ADGRE5: variants seen among roughly 807,000 people sequenced by gnomAD.
The protein encoded by ADGRE5 is CD97 molecule.
Under a neutral mutation model 100.3 loss-of-function variants are expected in ADGRE5, and 72 were observed. The ratio of observed to expected loss-of-function variants is 0.72; its 90% CI spans 0.59 to 0.87. The LOEUF is 0.87. Ranked by LOEUF, ADGRE5 falls within the 40% of genes least tolerant of loss-of-function variation. ADGRE5 has a pLI of 0.00. For missense variants in ADGRE5, 959 were observed against 1,094.7 expected, an observed-to-expected ratio of 0.88 and a Z score of 1.75; for synonymous variants, 439 against 447.8, an observed-to-expected ratio of 0.98 and a Z score of 0.25.
At chr19:14,407,638 CAA>C (rs566106681) in intron 18 of ADGRE5, among the ~76,000 whole-genome samples, 39 of 84,564 alleles carry the variant, frequency 4.6e-4, no homozygotes, top group Admixed American at 4.6e-4. Flanking sequence ...GACTTGTCTC[CAA>C]AAAAAAAAAA....
intron 1 of ADGRE5, among the ~76,000 whole-genome samples, chr19:14,386,804 G>A (rs955478925): frequency 7.3e-5 from 11 of 151,298 alleles, no homozygotes; most frequent in East Asian, 1.9e-4. Flanking sequence ...ACTTGAGGCC[G>A]GGAGTTCAAG....
Position 14,382,326 on chromosome 19 carries a change from A to C in ADGRE5, c.22+781A>C, listed in dbSNP as rs141106904. ...CCGCCTTGGCTTGAGAGTGAGAGAC[A>C]AGAGCCCACCTTGGGTTTCTTGGGG... On this transcript the variant is annotated intron_variant, in intron 1 of 19. Transcript: ENST00000242786. Among the ~76,000 whole-genome samples the C allele has an allele frequency of 5.3e-5, 8 of 152,288 alleles. No individual in the cohort carries two copies. The East Asian group carries it at 1.4e-3, about 26-fold the overall frequency.
chr19:14,389,349 A>T (rs1599614306), intron 3 of ADGRE5, among the ~76,000 whole-genome samples: 1 of 26,140 alleles, frequency 3.8e-5, no homozygotes, highest in East Asian at 1.5e-3. Context: ...GGGGAGGGGA[A>T]GGGGAGGGGG....
chr19:14,384,755 G>T (rs1302490469), intron 1 of ADGRE5, among the ~76,000 whole-genome samples: 1 of 150,404 alleles, frequency 6.6e-6, no homozygotes, highest in East Asian at 2.0e-4. Flanking sequence ...CTCTTTATGG[G>T]CCCCTTGTTT....
chr19:14,404,769 A>T (rs8105798), intron 13 of ADGRE5: 98 of 536,122 alleles, frequency 1.8e-4, no homozygotes, highest in African/African-American at 1.8e-3. Flanking sequence ...GGGTGCAGCC[A>T]CTAGCTCCGC....
intron 9 of ADGRE5, among the ~76,000 whole-genome samples, chr19:14,400,654 T>C (rs902417051): frequency 8.6e-5 from 13 of 151,904 alleles, no homozygotes; most frequent in African/African-American, 2.9e-4. Context: ...TAGCCGGGCA[T>C]GGTGGCGGGC....
Position 14,401,458 on chromosome 19 carries a change from C to G in ADGRE5, c.970C>G (p.His324Asp). The G allele has an allele frequency of 6.2e-7, 1 of 1,614,132 alleles. No individual in the cohort carries two copies. Among genetic ancestry groups the G allele is most frequent in the Non-Finnish European group, 8.5e-7 (1 of 1,180,004 alleles). Reference sequence around the variant, plus strand: ...AGAGGCCCTGGCGCCACCTGTCCGGCACCTCATAGCCACCCAGCTGCTCTC... The same window carrying G: ...AGAGGCCCTGGCGCCACCTGTCCGGGACCTCATAGCCACCCAGCTGCTCTC... The part of the protein sequence containing the change: ...DVEALAPPVR[H>D]LIATQLLSNL... The change falls in exon 10 of 20, where the codon CAC (histidine) becomes GAC (aspartate). Residue 324 changes from histidine to aspartate, a missense_variant. His to Asp is a moderately conservative substitution (Grantham distance 81). This residue lies in a region of ADGRE5 where 246 missense variants were observed against 242.2 expected (regional missense o/e 1.02). Transcript: ENST00000242786. This position sits in a 1 kb window ranked among gnomAD's most constrained non-coding sequence, Gnocchi z 4.1.
intron 4 of ADGRE5, among the ~76,000 whole-genome samples, chr19:14,393,905 G>A (rs976860151): frequency 6.6e-6 from 1 of 152,170 alleles, no homozygotes; most frequent in African/African-American, 2.4e-5. Flanking sequence ...CTCTCCCGGT[G>A]GATACATTTG....
At chr19:14,388,400 C>G in intron 1 of ADGRE5, 50 bp from the exon 2 acceptor site, 2 of 1,437,912 alleles carry the variant, frequency 1.4e-6, no homozygotes, top group Non-Finnish European at 1.9e-6. Flanking sequence ...CTTACGCCTC[C>G]TTTCCCACCC....
At chr19:14,407,638 CAAAA>C (rs566106681) in intron 18 of ADGRE5, among the ~76,000 whole-genome samples, 1 of 84,632 alleles carries the variant, frequency 1.2e-5, no homozygotes, top group Non-Finnish European at 2.5e-5. Flanking sequence ...GACTTGTCTC[CAAAA>C]AAAAAAAAAA....
Position 14,406,048 on chromosome 19 carries a change from G to A in ADGRE5, c.1821+109G>A, listed in dbSNP as rs1976217424. The A allele has an allele frequency of 2.1e-6, 2 of 969,930 alleles. No homozygotes were observed. The highest frequency in any genetic ancestry group is 3.0e-6 in the Non-Finnish European group (2 of 671,180). The allele number at this position is 969,930 out of a possible 1,614,324, so 60.1% of individuals were successfully genotyped here. On this transcript the variant is annotated intron_variant, in intron 14 of 19. Transcript: ENST00000242786. The surrounding 1 kb of genome is among the most constrained non-coding windows in gnomAD (Gnocchi z 6.0). The stretch of plus-strand genomic sequence containing the variant: ...TCGGGTAGGCGGGCCCTGGAGGCAT[G>A]AGGCCCCGCCCCTGTCCGGGATCTG...
At chr19:14,403,893 T>TTTGTTTGG (rs1976111220) in intron 12 of ADGRE5, among the ~76,000 whole-genome samples, 1 of 105,836 alleles carries the variant, frequency 9.4e-6, no homozygotes, top group African/African-American at 3.8e-5. Context: ...TTTTTTTTTT[T>TTTGTTTGG]GAGATGGAGT....
intron 1 of ADGRE5, among the ~76,000 whole-genome samples, chr19:14,386,703 A>T (rs1387300250): frequency 6.9e-6 from 1 of 145,034 alleles, no homozygotes; most frequent in African/African-American, 2.6e-5. Flanking sequence ...CAAAAAAAAA[A>T]AAAAAAAAAA....
Position 14,401,597 on chromosome 19 carries a change from C to G in ADGRE5, c.1075+34C>G, listed in dbSNP as rs1198807012. On this transcript the variant is annotated intron_variant, in intron 10 of 19. Transcript: ENST00000242786. This position sits in a 1 kb window ranked among gnomAD's most constrained non-coding sequence, Gnocchi z 4.1. ...TTGGCCTGGCCTGCCCTGCCCCAAC[C>G]CTGGGCCCCACCTGGTACCTGGGGT... 6.2e-7 allele frequency: 1 copy of G among 1,607,674 alleles called. No homozygotes were observed. The highest frequency in any genetic ancestry group is 1.1e-5 in the South Asian group (1 of 90,640).
intron 3 of ADGRE5, 119 bp from the exon 4 acceptor site, chr19:14,390,805 A>T: frequency 7.9e-7 from 1 of 1,271,502 alleles, no homozygotes; most frequent in Non-Finnish European, 1.1e-6. Flanking sequence ...AGTGCAACTT[A>T]AGATTTTTTC....
intron 1 of ADGRE5, among the ~76,000 whole-genome samples, chr19:14,384,950 GTC>G (rs929520656): frequency 2.2e-5 from 2 of 91,280 alleles, no homozygotes; most frequent in African/African-American, 3.1e-5. Flanking sequence ...CTATCTCTCT[GTC>G]TCTCTCTCTC....
Position 14,405,814 on chromosome 19 carries a change from A to T in ADGRE5, c.1696A>T (p.Ile566Phe). Residue 566 changes from isoleucine (I) to phenylalanine (F), a missense_variant, in exon 14 of 20, where the codon ATC becomes TTC. Physicochemically the swap from Ile to Phe is conservative, Grantham distance 21 (BLOSUM62 0). This residue lies in a region of ADGRE5 where 428 missense variants were observed against 386.2 expected (regional missense o/e 1.11). Coordinates refer to ENST00000242786, the MANE Select transcript of ADGRE5 (RefSeq NM_078481.4). ...GTCACTCTTCTGCCTGCTGCTGTGC[A>T]TCCTCACTTTCCTGCTGGTGCGGCC... is the stretch of plus-strand genomic sequence containing the variant. ...ALSLFCLLLC[I>F]LTFLLVRPIQ... The T allele has an allele frequency of 6.2e-7, 1 of 1,613,872 alleles. No homozygotes were observed. The highest frequency in any genetic ancestry group is 8.5e-7 in the Non-Finnish European group (1 of 1,179,994).
At chr19:14,396,259 C>T (rs1449448150) in intron 4 of ADGRE5, 83 bp from the exon 5 acceptor site, 135 of 1,611,688 alleles carry the variant, frequency 8.4e-5, no homozygotes, top group South Asian at 5.5e-4. Flanking sequence ...CAGATGCTTC[C>T]GTGCCAGGAA....
Position 14,401,556 on chromosome 19 carries a change from G to A in ADGRE5, c.1068G>A (p.Ser356=), listed in dbSNP as rs751688182. The change falls in exon 10 of 20, where the codon TCG becomes TCA. Residue 356 remains serine, a synonymous_variant. Transcript: ENST00000242786. This position sits in a 1 kb window ranked among gnomAD's most constrained non-coding sequence, Gnocchi z 4.1. ...PKGPFTYISP[S]NTELTLMIQE... is the part of the protein sequence containing the mutation. ...GCCCCTTCACCTACATTTCCCCTTC[G>A]AACACAGGTGAGGCCTTGGCCTGGC... The A allele has an allele frequency of 1.7e-5, 27 of 1,613,740 alleles. No homozygotes were observed. In the Admixed American group the frequency reaches 1.8e-4, roughly 11 times the overall value.
Sources: gnomAD v4.1 joint callset for allele counts (sites outside exome capture counted in the v4.1 genomes callset) on GRCh38, gnomAD v4.1.1 for gene constraint, gnomAD v4.1.1 regional missense constraint, Gnocchi (gnomAD v3.1) non-coding constraint, MANE v1.5 for transcripts, NCBI Gene and HGNC (gene_info 2026-07-23, HGNC 2026-07-21) for gene names.